ODF2: variants seen among roughly 807,000 people sequenced by gnomAD.
ODF2 encodes outer dense fiber protein 2.
Under a neutral mutation model 110.2 loss-of-function variants are expected in ODF2, and 47 were observed. The observed-to-expected ratio is 0.43, with a 90% CI of 0.34 to 0.54. The LOEUF is 0.54. ODF2 is among the 20% of genes least tolerant of loss of function. The pLI is 0.03. For missense variants in ODF2, 812 were observed against 1,054.5 expected (o/e 0.77, Z 3.19); for synonymous variants, 352 against 397.7 (o/e 0.89, Z 1.37).
At position 128,471,305 on chromosome 9, in the gene ODF2, C is replaced by T. The variant is rs1228342088; in HGVS notation, c.421-3C>T. On this transcript the variant is annotated splice_polypyrimidine_tract_variant and splice_region_variant and intron_variant, in intron 5 of 20. Transcript: ENST00000604420. ...TGGCCCCTGCCTGGGTCCCCCTGCT[C>T]AGGTCAAGATGCAAAAAGGTGAGCG... 1.2e-6 allele frequency: 2 copies of T among 1,604,342 alleles called. No homozygotes were observed. Among genetic ancestry groups the T allele is most frequent in the South Asian group, 1.1e-5 (1 of 89,640 alleles).
In ODF2 at chr9:128,485,332, A is replaced by G. The variant is rs747322282; in HGVS notation, c.1291-33A>G. 1.2e-5 allele frequency: 15 copies of G among 1,200,548 alleles called. No individual in the cohort carries two copies. Among genetic ancestry groups the G allele is most frequent in the Non-Finnish European group, 1.2e-6 (1 of 813,306 alleles). 74.4% of individuals were successfully genotyped at this position (1,200,548 alleles called of 1,614,324 possible). ...TCCTGGCAGCCTCACCACTGACACT[A>G]GGCTAACAGGCCCTTTTGTCCCGTG... On this transcript the variant is annotated intron_variant, in intron 12 of 20. Transcript: ENST00000604420. This position sits in a 1 kb window ranked among gnomAD's most constrained non-coding sequence, Gnocchi z 5.0.
chr9:128,456,871 T>G, intron 1 of ODF2: 3 of 1,284,338 alleles, frequency 2.3e-6, no homozygotes, highest in Non-Finnish European at 3.0e-6. Context: ...CGCGCCTCCC[T>G]CCTTTAAACA....
At chr9:128,459,156 AT>A (rs1835749975) in intron 2 of ODF2, among the ~76,000 whole-genome samples, 1 of 151,996 alleles carries the variant, frequency 6.6e-6, no homozygotes, top group Non-Finnish European at 1.5e-5. Flanking sequence ...CTAATGCTCT[AT>A]TTTTGTCACT....
At chr9:128,457,260 C>T in exon 2 of ODF2, 4 of 1,597,686 alleles carry the variant, frequency 2.5e-6, no homozygotes, top group Non-Finnish European at 3.4e-6. Context: ...CAACTGCCAA[C>T]CCCAAAGCTT....
At chr9:128,459,715 C>T in intron 3 of ODF2, 58 bp downstream of exon 2, 1 of 1,360,794 alleles carries the variant, frequency 7.3e-7, no homozygotes. Context: ...AATGCTTTTG[C>T]ACACCGTTTC....
chr9:128,492,814 T>A lies in ODF2; in HGVS notation c.1752+9T>A, dbSNP rs763253615. The A allele has an allele frequency of 6.2e-7, 1 of 1,607,956 alleles. No individual in the cohort carries two copies. Among genetic ancestry groups the A allele is most frequent in the Non-Finnish European group, 8.5e-7 (1 of 1,174,636 alleles). ...ACAAAGAGATTGAGGCGGTACTGCT[T>A]TCCTTCCTTGTTTTCTTCTCCTACC... is the stretch of plus-strand genomic sequence containing the variant. On this transcript the variant is annotated intron_variant, in intron 16 of 20. Coordinates refer to ENST00000604420, the Ensembl canonical transcript of ODF2.
At chr9:128,457,845 C>T (rs1243243375) in intron 2 of ODF2, among the ~76,000 whole-genome samples, 1 of 151,304 alleles carries the variant, frequency 6.6e-6, no homozygotes, top group Non-Finnish European at 1.5e-5. Flanking sequence ...ATTGGCTTTA[C>T]GTGAACAATG....
intron 11 of ODF2, 34 bp from the exon 12 acceptor site, chr9:128,484,667 T>TCTCCCTCTC: frequency 6.4e-7 from 1 of 1,550,542 alleles, no homozygotes. Context: ...TTGTCTCTCT[T>TCTCCCTCTC]CTCCCTCTCT....
chr9:128,457,199 A>G (rs774370124), exon 2 of ODF2: 1 of 1,522,598 alleles, frequency 6.6e-7, no homozygotes. Flanking sequence ...CTTTGGCAGG[A>G]CAGTTGCTGT....
intron 18 of ODF2, among the ~76,000 whole-genome samples, chr9:128,496,786 G>C (rs1845630587): frequency 2.0e-5 from 3 of 152,122 alleles, no homozygotes. Context: ...GGAGTGCAGT[G>C]GTGCAATCTC....
intron 8 of ODF2, among the ~76,000 whole-genome samples, chr9:128,479,195 C>G (rs1156954799): frequency 6.6e-6 from 1 of 152,104 alleles, no homozygotes; most frequent in Non-Finnish European, 1.5e-5. Flanking sequence ...AACCAGAGAG[C>G]CCTTTTCTCT....
chr9:128,473,074 G>T (rs1167254976), intron 7 of ODF2, 32 bp downstream of exon 7: 3 of 1,613,162 alleles, frequency 1.9e-6, no homozygotes, highest in African/African-American at 2.7e-5. Flanking sequence ...CCCAGCCATG[G>T]AACTGGCCTC....
intron 18 of ODF2, 58 bp from the exon 19 acceptor site, chr9:128,498,355 G>A (rs965280894): frequency 2.2e-5 from 32 of 1,446,862 alleles, no homozygotes; most frequent in South Asian, 1.4e-4. Context: ...GCCCCCTGGC[G>A]GGGTGGAACA....
At position 128,456,668 on chromosome 9, in the gene ODF2, C is replaced by T. The variant is rs540040754; in HGVS notation, c.-209+413C>T. 2.0e-5 allele frequency: 29 copies of T among 1,454,108 alleles called. No homozygotes were observed. In the Admixed American group the frequency reaches 3.0e-4, roughly 15 times the overall value. 90.1% of individuals were successfully genotyped at this position (1,454,108 alleles called of 1,614,324 possible). ...CGCCCCGACCGCCTCGTCCTCTCCT[C>T]GGGCCTCCACATGGCAGTCACTTGT... On this transcript the variant is annotated intron_variant, in intron 1 of 20. Transcript: ENST00000604420.
exon 1 of ODF2, chr9:128,456,177 G>A: frequency 6.5e-7 from 1 of 1,549,340 alleles, no homozygotes; most frequent in Non-Finnish European, 8.7e-7. Flanking sequence ...CCGCCGCGGC[G>A]TCTCCATGGC....
In ODF2 at chr9:128,476,673, T is replaced by C. The variant is rs190301370; in HGVS notation, c.843+2932T>C. Among the ~76,000 whole-genome samples, 784 of 151,412 alleles carry C rather than the reference T, an allele frequency of 5.2e-3. 6 individuals carry two copies. Among genetic ancestry groups the C allele is most frequent in the African/African-American group, 0.018 (750 of 41,396 alleles). ...TTTTTCTTGAGACAGAGTCTTGCTC[T>C]GTCGCCCAGGCTAGAGTGCAGTGGC... On this transcript the variant is annotated intron_variant, in intron 8 of 20. Transcript: ENST00000604420.
intron 8 of ODF2, among the ~76,000 whole-genome samples, chr9:128,480,603 G>A (rs1225777299): frequency 6.6e-6 from 1 of 152,160 alleles, no homozygotes; most frequent in African/African-American, 2.4e-5. Context: ...GATCACCTGA[G>A]GTCAGGAGTT....
In ODF2 at chr9:128,485,091, T is replaced by C. The variant is rs1843116681; in HGVS notation, c.1290+205T>C. On this transcript the variant is annotated intron_variant, in intron 12 of 20. Coordinates refer to ENST00000604420, the Ensembl canonical transcript of ODF2. This position sits in a 1 kb window ranked among gnomAD's most constrained non-coding sequence, Gnocchi z 5.0. ...TGGAGGGATGGGTGGCTGGAGATGA[T>C]TGGAGGCTTTGTAGGAGAGTTCAGC... Among the ~76,000 whole-genome samples, 1 of 151,970 alleles carries C rather than the reference T, an allele frequency of 6.6e-6. No homozygotes were observed. The highest frequency in any genetic ancestry group is 1.5e-5 in the Non-Finnish European group (1 of 67,966).
chr9:128,476,468 A>G (rs993806865), intron 8 of ODF2, among the ~76,000 whole-genome samples: 1 of 151,246 alleles, frequency 6.6e-6, no homozygotes, highest in African/African-American at 2.4e-5. Context: ...TTGTAGTTTT[A>G]GTAGAGACGG....
Sources: allele counts gnomAD v4.1 joint callset (sites outside exome capture counted in the v4.1 genomes callset), GRCh38; gene constraint gnomAD v4.1.1; non-coding constraint Gnocchi (gnomAD v3.1); transcripts MANE v1.5; gene names NCBI Gene and HGNC (gene_info 2026-07-23, HGNC 2026-07-21).